Variants in RAB11FIP1 observed in about 807,000 individuals in gnomAD.
The protein encoded by RAB11FIP1 is rab11 family-interacting protein 1.
RAB11FIP1 carries 49 observed loss-of-function variants against 83.1 expected under a neutral mutation model. That is an observed-to-expected ratio of 0.59 (90% CI 0.47 to 0.75). The LOEUF (loss-of-function observed/expected upper bound fraction) is 0.75, where lower values mean the gene tolerates loss of function less well. Ranked by LOEUF, RAB11FIP1 falls within the 30% of genes least tolerant of loss-of-function variation. The pLI, the probability that RAB11FIP1 is intolerant of heterozygous loss-of-function variation, is 0.00. For missense variants in RAB11FIP1, 1,536 were observed against 1,598.7 expected (o/e 0.96, Z 0.67); for synonymous variants, 670 against 656.0 (o/e 1.02, Z -0.33).
intron 5 of RAB11FIP1, among the ~76,000 whole-genome samples, chr8:37,864,016 G>A (rs951653730): frequency 3.9e-5 from 6 of 152,212 alleles, no homozygotes; most frequent in African/African-American, 1.2e-4. Context: ...CCAAAGCTGC[G>A]CTCAGAAGGA....
Position 37,871,971 on chromosome 8 carries a change from A to G in RAB11FIP1, c.2831T>C (p.Val944Ala). The G allele has an allele frequency of 6.2e-7, 1 of 1,614,148 alleles. No individual in the cohort carries two copies. Among genetic ancestry groups the G allele is most frequent in the East Asian group, 2.2e-5 (1 of 44,876 alleles). ...LSDPLSDLQL[V>A]SDFKSPIMAD... ...CATGATTGGAGATTTAAAATCTGAGACCAACTGAAGGTCACTCAAGGGGTC... is the reference window on the plus strand; with the variant it reads ...CATGATTGGAGATTTAAAATCTGAGGCCAACTGAAGGTCACTCAAGGGGTC... The change falls in exon 4 of 6, where the codon GTC becomes GCC. Residue 944 changes from valine (V) to alanine (A), a missense_variant. By Grantham distance (64) the Val-to-Ala change is moderately conservative. Transcript: ENST00000330843.
intron 1 of RAB11FIP1, among the ~76,000 whole-genome samples, chr8:37,880,587 C>G (rs777916090): frequency 1.3e-5 from 2 of 151,936 alleles, no homozygotes; most frequent in Non-Finnish European, 2.9e-5. Context: ...AGCCACCAAG[C>G]GTGGCTAAAA....
chr8:37,870,388 T>C, intron 5 of RAB11FIP1, 32 bp downstream of exon 5: 1 of 1,306,956 alleles, frequency 7.7e-7, no homozygotes, highest in Non-Finnish European at 1.1e-6. Flanking sequence ...TGTCAATCCC[T>C]AACGAACACA....
intron 1 of RAB11FIP1, among the ~76,000 whole-genome samples, chr8:37,892,559 A>G (rs1233951904): frequency 6.6e-6 from 1 of 151,800 alleles, no homozygotes; most frequent in Non-Finnish European, 1.5e-5. Context: ...GGTTCAAGCA[A>G]TTCTCCTGCC....
rs781288682 is a variant in RAB11FIP1 at position 37,871,512 on chromosome 8, C to G, written c.3290G>C (p.Ser1097Thr). 23 of 1,611,746 alleles carry G rather than the reference C, an allele frequency of 1.4e-5. No individual in the cohort carries two copies. The highest frequency in any genetic ancestry group is 2.0e-5 in the Non-Finnish European group (23 of 1,178,832). The change falls in exon 4 of 6, where the codon AGC becomes ACC. Residue 1097 changes from serine (S) to threonine (T), a missense_variant. Ser to Thr is a moderately conservative substitution (Grantham distance 58). Coordinates refer to ENST00000330843, the MANE Select transcript of RAB11FIP1 (RefSeq NM_001002814.3). ...PGTSLDNPVP[S>T]PSPSEIFPVT... ...AGGAAAGATCTCAGAAGGGGAGGGG[C>G]TGGGTACAGGATTGTCCAGGGATGT...
intron 2 of RAB11FIP1, 107 bp downstream of exon 2, chr8:37,877,002 G>A (rs961395429): frequency 1.2e-6 from 1 of 831,114 alleles, no homozygotes; most frequent in Non-Finnish European, 1.9e-6. Flanking sequence ...TGTAATTGAG[G>A]AATTGAATTA....
rs936205887 is a variant in RAB11FIP1, at chr8:37,899,181, G to C, written c.261C>G (p.Thr87=). 1.3e-6 allele frequency: 2 copies of C among 1,561,624 alleles called. No homozygotes were observed. Among genetic ancestry groups the C allele is most frequent in the Admixed American group, 1.8e-5 (1 of 54,104 alleles). Residue 87 remains threonine, a synonymous_variant, in exon 1 of 6, where the codon ACC becomes ACG. Coordinates refer to ENST00000330843, the MANE Select transcript of RAB11FIP1 (RefSeq NM_001002814.3). The surrounding 1 kb of genome is among the most constrained non-coding windows in gnomAD (Gnocchi z 4.5). ...CGCGGTGCAGCACGGTGAGCTGCAG[G>C]GTGGCGGCGGCCGCGGGTCCGGAGG... ...LLSSGPAAAA[T]LQLTVLHRAL...
intron 1 of RAB11FIP1, among the ~76,000 whole-genome samples, chr8:37,880,457 C>G (rs995502598): frequency 2.0e-5 from 3 of 151,966 alleles, no homozygotes; most frequent in African/African-American, 7.3e-5. Context: ...TGCCACAATG[C>G]CCAGCTATTC....
In RAB11FIP1 at chr8:37,859,752, C is replaced by G. The variant is rs975941988; in HGVS notation, c.*3143G>C. 3 of 152,238 alleles carry G rather than the reference C, an allele frequency of 2.0e-5. No individual in the cohort carries two copies. Among genetic ancestry groups the G allele is most frequent in the African/African-American group, 4.8e-5 (2 of 41,458 alleles). The allele number at this position is 152,238 out of a possible 1,614,324, so 9.4% of individuals were successfully genotyped here. A position where few individuals can be genotyped will look rare whatever the true frequency, so the allele number is the denominator to read the frequency against. On this transcript the variant is annotated 3_prime_UTR_variant, in exon 6 of 6. Coordinates refer to ENST00000330843, the MANE Select transcript of RAB11FIP1 (RefSeq NM_001002814.3). ...AGGCTAGGCCAAGAAATGAGCTGCTCCAGCTTCTCCAGAGCACAGCAGCCT... is the reference window on the plus strand; with the variant it reads ...AGGCTAGGCCAAGAAATGAGCTGCTGCAGCTTCTCCAGAGCACAGCAGCCT...
intron 1 of RAB11FIP1, among the ~76,000 whole-genome samples, chr8:37,878,388 G>A (rs1052466409): frequency 1.1e-4 from 16 of 151,376 alleles, no homozygotes; most frequent in African/African-American, 3.9e-4. Flanking sequence ...TAAAAAATTA[G>A]CCGGGTGTGG....
At chr8:37,876,079 C>T (rs756089211) in intron 2 of RAB11FIP1, among the ~76,000 whole-genome samples, 15 of 152,002 alleles carry the variant, frequency 9.9e-5, no homozygotes, top group Non-Finnish European at 1.9e-4. Context: ...CCTGGAATCC[C>T]AGCTATTCGG....
At chr8:37,886,186 C>A (rs1219867538) in intron 1 of RAB11FIP1, among the ~76,000 whole-genome samples, 1 of 152,136 alleles carries the variant, frequency 6.6e-6, no homozygotes, top group East Asian at 1.9e-4. Flanking sequence ...GCTTTCCCTG[C>A]AATGGGATGG....
At chr8:37,874,276 TG>T (rs2130150294) in intron 3 of RAB11FIP1, among the ~76,000 whole-genome samples, 1 of 152,320 alleles carries the variant, frequency 6.6e-6, no homozygotes, top group African/African-American at 2.4e-5. Context: ...ATAAGCTGAC[TG>T]AAAGGACAGA....
chr8:37,879,048 CT>C (rs1386423294), intron 1 of RAB11FIP1, among the ~76,000 whole-genome samples: 2 of 152,138 alleles, frequency 1.3e-5, no homozygotes, highest in African/African-American at 4.8e-5. Flanking sequence ...TGGCTCACGC[CT>C]GTGATACCAG....
intron 5 of RAB11FIP1, among the ~76,000 whole-genome samples, chr8:37,869,161 G>A (rs559608627): frequency 2.7e-5 from 4 of 149,974 alleles, no homozygotes; most frequent in East Asian, 2.0e-4. Flanking sequence ...CCAGGAGGTC[G>A]AGGCTATGAT....
At chr8:37,886,670 T>C (rs1391232566) in intron 1 of RAB11FIP1, among the ~76,000 whole-genome samples, 1 of 152,154 alleles carries the variant, frequency 6.6e-6, no homozygotes, top group Non-Finnish European at 1.5e-5. Context: ...GATGATGGCC[T>C]CGAGTGAGGA....
Position 37,862,822 on chromosome 8 carries a change from A to G in RAB11FIP1, c.*73T>C. 8.2e-7 allele frequency: 1 copy of G among 1,215,256 alleles called. No homozygotes were observed. Among genetic ancestry groups the G allele is most frequent in the Non-Finnish European group, 1.2e-6 (1 of 847,324 alleles). 75.3% of individuals were successfully genotyped at this position (1,215,256 alleles called of 1,614,324 possible). A position where few individuals can be genotyped will look rare whatever the true frequency, so the allele number is the denominator to read the frequency against. On this transcript the variant is annotated 3_prime_UTR_variant, in exon 6 of 6. Coordinates refer to ENST00000330843, the MANE Select transcript of RAB11FIP1 (RefSeq NM_001002814.3). Reference sequence around the variant, plus strand: ...GAGCCTGCTGGCTGGTTATCAGGCAAGGCAAGTCCTTGACCCCTGGAGCAG... The same window carrying G: ...GAGCCTGCTGGCTGGTTATCAGGCAGGGCAAGTCCTTGACCCCTGGAGCAG...
intron 5 of RAB11FIP1, among the ~76,000 whole-genome samples, chr8:37,865,421 G>A (rs1189997969): frequency 6.6e-6 from 1 of 151,330 alleles, no homozygotes; most frequent in African/African-American, 2.4e-5. Context: ...CCAGGTTCAA[G>A]TGCTTCTCCT....
rs1233242838 is a variant in RAB11FIP1 at position 37,861,637 on chromosome 8, G to A, written c.*1258C>T. 2 of 432,286 alleles carry A rather than the reference G, an allele frequency of 4.6e-6. No individual in the cohort carries two copies. Among genetic ancestry groups the A allele is most frequent in the Admixed American group, 2.8e-5 (1 of 35,650 alleles). The allele number at this position is 432,286 out of a possible 1,614,324, so 26.8% of individuals were successfully genotyped here. A position where few individuals can be genotyped will look rare whatever the true frequency, so the allele number is the denominator to read the frequency against. ...TCTTAAAAAAACTCTTGCCCAGGCT[G>A]GAGTGCAGTGGCACGATCTTGGCTC... On this transcript the variant is annotated 3_prime_UTR_variant, in exon 6 of 6. Transcript: ENST00000330843.
Sources: allele counts gnomAD v4.1 joint callset (sites outside exome capture counted in the v4.1 genomes callset), GRCh38; gene constraint gnomAD v4.1.1; non-coding constraint Gnocchi (gnomAD v3.1); transcripts MANE v1.5; gene names NCBI Gene and HGNC (gene_info 2026-07-23, HGNC 2026-07-21).